Variants in SPPL3 observed in about 807,000 individuals in gnomAD.
SPPL3 encodes the protein signal peptide peptidase-like 3.
In SPPL3, 5 loss-of-function variants were observed where a neutral mutation model predicts 42.4. That is an observed-to-expected ratio of 0.12 (90% CI 0.06 to 0.25). The LOEUF (loss-of-function observed/expected upper bound fraction) is 0.25, where lower values mean the gene tolerates loss of function less well. Among genes scored for constraint, SPPL3 ranks in the 10% least tolerant of loss-of-function variants. The probability of loss-of-function intolerance (pLI) is 1.00; values close to 1 mark genes in which losing one functional copy is unlikely to be tolerated. For synonymous variants in SPPL3, 195 were observed against 181.8 expected (o/e 1.07, Z -0.58); for missense variants, 235 against 489.0 (o/e 0.48, Z 4.90).
At chr12:120,842,412 G>C (rs1174686387) in intron 1 of SPPL3, among the ~76,000 whole-genome samples, 1 of 152,066 alleles carries the variant, frequency 6.6e-6, no homozygotes, top group East Asian at 1.9e-4. Flanking sequence ...TTTACTCATA[G>C]GTTATAAAAT....
At chr12:120,810,570 C>T (rs548388015) in intron 2 of SPPL3, among the ~76,000 whole-genome samples, 1 of 152,190 alleles carries the variant, frequency 6.6e-6, no homozygotes, top group Admixed American at 6.5e-5. Flanking sequence ...ATTTCAGAAC[C>T]AGCATTTTAA....
In SPPL3 at chr12:120,778,111, A is replaced by ATTTTTTTTTT. The variant is rs57779322; in HGVS notation, c.502+4534_502+4543dup. On this transcript the variant is annotated intron_variant, in intron 6 of 10. Transcript: ENST00000353487. ...TTATTTCCAAAATGACTGAAAAGCA[A>ATTTTTTTTTT]TTTTTTTTTTTTTTTTTTTTTTTGA... is the stretch of plus-strand genomic sequence containing the variant. Among the ~76,000 whole-genome samples, 80 of 90,944 alleles carry ATTTTTTTTTT rather than the reference A, an allele frequency of 8.8e-4. 1 individual carries two copies. The highest frequency in any genetic ancestry group is 1.0e-3 in the East Asian group (3 of 2,902). The allele number at this position is 90,944 out of a possible 152,430, so 59.7% of individuals were successfully genotyped here. A position where few individuals can be genotyped will look rare whatever the true frequency, so the allele number is the denominator to read the frequency against.
At chr12:120,846,951 T>A (rs1872060491) in intron 1 of SPPL3, among the ~76,000 whole-genome samples, 1 of 152,204 alleles carries the variant, frequency 6.6e-6, no homozygotes, top group African/African-American at 2.4e-5. Context: ...GCAAACTCTG[T>A]GGTTAAGCTT....
intron 6 of SPPL3, among the ~76,000 whole-genome samples, chr12:120,772,901 T>C (rs1869175416): frequency 6.6e-6 from 1 of 152,248 alleles, no homozygotes; most frequent in Non-Finnish European, 1.5e-5. Flanking sequence ...GTGTGAGTTC[T>C]GGAGAGATGT....
chr12:120,768,278 A>C lies in SPPL3; in HGVS notation c.773+47T>G, dbSNP rs754858773. ...AGAGACTGATCAAGGCCGGGAACAG[A>C]TAGGCACAGGAAGACAGTGTGGTCC... On this transcript the variant is annotated intron_variant, in intron 8 of 10. Coordinates refer to ENST00000353487, the MANE Select transcript of SPPL3 (RefSeq NM_139015.5). 2.5e-6 allele frequency: 4 copies of C among 1,571,834 alleles called. No homozygotes were observed. The South Asian group carries it at 4.6e-5, about 18-fold the overall frequency.
At chr12:120,836,234 C>A (rs1850460903) in intron 1 of SPPL3, among the ~76,000 whole-genome samples, 1 of 151,936 alleles carries the variant, frequency 6.6e-6, no homozygotes, top group South Asian at 2.1e-4. Flanking sequence ...CTTTCTCCAA[C>A]CAAAAGACGG....
intron 1 of SPPL3, among the ~76,000 whole-genome samples, chr12:120,896,937 G>A (rs1873825565): frequency 6.6e-6 from 1 of 152,160 alleles, no homozygotes; most frequent in South Asian, 2.1e-4. Context: ...ATGGCGAACT[G>A]CCATGACAGC....
intron 1 of SPPL3, among the ~76,000 whole-genome samples, chr12:120,897,744 G>A (rs1873853749): frequency 6.6e-6 from 1 of 152,028 alleles, no homozygotes; most frequent in Admixed American, 6.6e-5. Context: ...ATAATAATGA[G>A]CAAATCTTCT....
At position 120,766,210 on chromosome 12, in the gene SPPL3, G is replaced by A. The variant is rs765445914; in HGVS notation, c.1083+53C>T. 2.3e-4 allele frequency: 339 copies of A among 1,454,642 alleles called. 1 individual carries two copies. The highest frequency in any genetic ancestry group is 2.9e-4 in the Non-Finnish European group (315 of 1,073,908). The allele number at this position is 1,454,642 out of a possible 1,614,324, so 90.1% of individuals were successfully genotyped here. Reference sequence around the variant, plus strand: ...TCCAGCGAGGAGAGTGCAAACCGAGGCACAGGCCAATCCAAGTTATTGCTT... The same window carrying A: ...TCCAGCGAGGAGAGTGCAAACCGAGACACAGGCCAATCCAAGTTATTGCTT... On this transcript the variant is annotated intron_variant, in intron 10 of 10. Transcript: ENST00000353487.
intron 2 of SPPL3, among the ~76,000 whole-genome samples, chr12:120,807,071 T>C (rs1870521065): frequency 6.6e-6 from 1 of 152,128 alleles, no homozygotes; most frequent in South Asian, 2.1e-4. Context: ...GAAAAATTTA[T>C]AGTTGCAAAT....
intron 1 of SPPL3, among the ~76,000 whole-genome samples, chr12:120,889,656 T>C (rs1227626665): frequency 6.6e-6 from 1 of 152,186 alleles, no homozygotes; most frequent in East Asian, 1.9e-4. Flanking sequence ...TGTAGATTCA[T>C]AAGTATATTT....
At chr12:120,823,117 C>A (rs1166910851) in intron 1 of SPPL3, among the ~76,000 whole-genome samples, 1 of 147,700 alleles carries the variant, frequency 6.8e-6, no homozygotes, top group African/African-American at 2.5e-5. Context: ...GAGGAGAGAG[C>A]AAGAGTGAGT....
At position 120,783,687 on chromosome 12, in the gene SPPL3, A is replaced by G. The variant is rs1316177206; in HGVS notation, c.376T>C (p.Ser126Pro). 6.2e-7 allele frequency: 1 copy of G among 1,613,358 alleles called. No individual in the cohort carries two copies. The highest frequency in any genetic ancestry group is 1.7e-5 in the Admixed American group (1 of 60,010). Residue 126 changes from serine to proline, a missense_variant, in exon 5 of 11, where the codon TCA becomes CCA. By Grantham distance (74) the Ser-to-Pro change is moderately conservative. This residue lies in a region of SPPL3 where 110 missense variants were observed against 186.2 expected (regional missense o/e 0.59). Coordinates refer to ENST00000353487, the MANE Select transcript of SPPL3 (RefSeq NM_139015.5). ...CCAAGTCCTTACTTGTTCTGAGGTGAGCAGGGTCTTGTTAAATACTGGCAC... is the reference window on the plus strand; with the variant it reads ...CCAAGTCCTTACTTGTTCTGAGGTGGGCAGGGTCTTGTTAAATACTGGCAC... ...PMCQYLTRPC[S>P]PQNKISFGCC...
chr12:120,896,262 G>T, intron 1 of SPPL3, among the ~76,000 whole-genome samples: 1 of 152,120 alleles, frequency 6.6e-6, no homozygotes, highest in Non-Finnish European at 1.5e-5. Flanking sequence ...CAACAATGAG[G>T]TGGAGCTGTT....
chr12:120,903,722 C>T, intron 1 of SPPL3, 123 bp downstream of exon 1: 1 of 670,044 alleles, frequency 1.5e-6, no homozygotes, highest in Non-Finnish European at 2.3e-6. Flanking sequence ...GGGCGTGCAC[C>T]CCAACCCGCG....
At chr12:120,782,839 C>G (rs1037731180) in intron 5 of SPPL3, 72 bp from the exon 6 acceptor site, 1 of 1,120,508 alleles carries the variant, frequency 8.9e-7, no homozygotes, top group Non-Finnish European at 1.3e-6. Flanking sequence ...TTTGGTATTT[C>G]GTGATGGCTG....
At chr12:120,820,436 C>G (rs961772981) in intron 1 of SPPL3, among the ~76,000 whole-genome samples, 1 of 151,806 alleles carries the variant, frequency 6.6e-6, no homozygotes, top group Non-Finnish European at 1.5e-5. Context: ...CTGCCTCAGC[C>G]TCCTGAGTAG....
At chr12:120,848,953 C>T (rs1404604471) in intron 1 of SPPL3, among the ~76,000 whole-genome samples, 1 of 151,530 alleles carries the variant, frequency 6.6e-6, no homozygotes, top group East Asian at 1.9e-4. Flanking sequence ...TCTTTCAAGG[C>T]CCAGGATGTA....
intron 1 of SPPL3, among the ~76,000 whole-genome samples, chr12:120,875,306 A>T (rs1873051415): frequency 6.6e-6 from 1 of 152,258 alleles, no homozygotes; most frequent in Admixed American, 6.5e-5. Flanking sequence ...ATTATGCTTA[A>T]GTTACAGGTG....
Sources: gnomAD v4.1 joint callset for allele counts (sites outside exome capture counted in the v4.1 genomes callset) on GRCh38, gnomAD v4.1.1 for gene constraint, gnomAD v4.1.1 regional missense constraint, MANE v1.5 for transcripts, NCBI Gene and HGNC (gene_info 2026-07-23, HGNC 2026-07-21) for gene names.